Variants in OTOGL observed in about 807,000 individuals in gnomAD.
OTOGL encodes otogelin-like protein.
In OTOGL, 285 loss-of-function variants were observed where a neutral mutation model predicts 318.5. The ratio of observed to expected loss-of-function variants is 0.89; its 90% CI spans 0.81 to 0.99. The LOEUF (loss-of-function observed/expected upper bound fraction) is 0.99. Among genes scored for constraint, OTOGL ranks in the 50% least tolerant of loss-of-function variants. The pLI is 0.00. For missense variants in OTOGL, 2,899 were observed against 2,845.6 expected (o/e 1.02, Z -0.43); for synonymous variants, 987 against 936.5 (o/e 1.05, Z -0.99).
At chr12:80,305,163 A>G (rs1413247164) in intron 28 of OTOGL, among the ~76,000 whole-genome samples, 1 of 152,186 alleles carries the variant, frequency 6.6e-6, no homozygotes, top group Non-Finnish European at 1.5e-5. Context: ...TGTTTCTAAC[A>G]AGGATGGGAA....
At chr12:80,200,625 G>A (rs1876389873) in intron 1 of OTOGL, among the ~76,000 whole-genome samples, 1 of 152,208 alleles carries the variant, frequency 6.6e-6, no homozygotes, top group African/African-American at 2.4e-5. Flanking sequence ...CCACATGGAG[G>A]AGTTAGCTTC....
In OTOGL at chr12:80,271,657, G is replaced by A; in HGVS notation, c.2528G>A (p.Cys843Tyr). ...GTGCTTATATCTGAAGTTCACATCT[G>A]CCCAGAGGGAAAAGAGTATTTCGAC... The part of the protein sequence containing the change: ...ELATPSAVHI[C>Y]PEGKEYFDCR... The change falls in exon 24 of 59, where the codon TGC (cysteine) becomes TAC (tyrosine). Residue 843 changes from cysteine (C) to tyrosine (Y), a missense_variant. By Grantham distance (194) the Cys-to-Tyr change is radical (BLOSUM62 -2). Around this residue, in one of 3 missense-constraint regions of OTOGL, gnomAD observed 2,607 missense variants for 2,524.9 expected, o/e 1.03. Coordinates refer to ENST00000547103, the MANE Select transcript of OTOGL (RefSeq NM_001378609.3). 1 of 1,612,586 alleles carries A rather than the reference G, an allele frequency of 6.2e-7. No individual in the cohort carries two copies. Among genetic ancestry groups the A allele is most frequent in the Non-Finnish European group, 8.5e-7 (1 of 1,179,210 alleles).
chr12:80,149,247 T>G (rs1158039387), intron 1 of OTOGL, among the ~76,000 whole-genome samples: 2 of 152,170 alleles, frequency 1.3e-5, no homozygotes, highest in Non-Finnish European at 2.9e-5. Flanking sequence ...GGATGTCCTT[T>G]CTGTTTGTTA....
At position 80,276,900 on chromosome 12, in the gene OTOGL, G is replaced by A. The variant is rs910669480; in HGVS notation, c.2682-1268G>A. On this transcript the variant is annotated intron_variant, in intron 24 of 58. Transcript: ENST00000547103. ...AATAAGGAATTACAGTACTGTGTAC[G>A]AACAGCCATGAGAGAGAAAGCAGAG... is the stretch of plus-strand genomic sequence containing the variant. Among the ~76,000 whole-genome samples the A allele has an allele frequency of 2.6e-5, 4 of 151,478 alleles. No individual in the cohort carries two copies. The South Asian group carries it at 6.2e-4, about 24-fold the overall frequency.
chr12:80,226,801 C>T (rs1313410282), intron 7 of OTOGL, among the ~76,000 whole-genome samples: 2 of 152,086 alleles, frequency 1.3e-5, no homozygotes, highest in Non-Finnish European at 2.9e-5. Flanking sequence ...TGTTTAGTCA[C>T]TTATTTTAAT....
intron 7 of OTOGL, among the ~76,000 whole-genome samples, chr12:80,224,729 G>A (rs1310065206): frequency 1.3e-5 from 2 of 152,074 alleles, no homozygotes; most frequent in African/African-American, 2.4e-5. Context: ...GCCACTGTTG[G>A]TGTATAGTAG....
chr12:80,160,319 G>GA (rs1873420542), intron 1 of OTOGL, among the ~76,000 whole-genome samples: 1 of 152,016 alleles, frequency 6.6e-6, no homozygotes, highest in Non-Finnish European at 1.5e-5. Flanking sequence ...AAGAGTGGAA[G>GA]AAAATCTTCA....
intron 18 of OTOGL, 48 bp from the exon 19 acceptor site, chr12:80,261,921 C>G: frequency 6.3e-7 from 1 of 1,579,290 alleles, no homozygotes; most frequent in African/African-American, 1.4e-5. Flanking sequence ...AGGTTATGAA[C>G]AAATGAATGA....
At chr12:80,361,946 T>G (rs543019800) in intron 52 of OTOGL, among the ~76,000 whole-genome samples, 2 of 152,330 alleles carry the variant, frequency 1.3e-5, no homozygotes, top group East Asian at 3.9e-4. Context: ...TTCACTCTGT[T>G]GATTGTTTCC....
rs113427610 is a variant in OTOGL, at chr12:80,236,856, A to C, written c.818-1995A>C. On this transcript the variant is annotated intron_variant, in intron 9 of 58. Coordinates refer to ENST00000547103, the MANE Select transcript of OTOGL (RefSeq NM_001378609.3). ...TTGAGACAGGGTCTTTCTCTGTCGC[A>C]CAGGCTGGAGTGCAGTGGCGCGATC... Among the ~76,000 whole-genome samples, 1,316 of 134,312 alleles carry C rather than the reference A, an allele frequency of 9.8e-3. 27 individuals carry two copies. Among genetic ancestry groups the C allele is most frequent in the African/African-American group, 0.035 (1,235 of 35,204 alleles). 88.1% of individuals were successfully genotyped at this position (134,312 alleles called of 152,430 possible).
intron 11 of OTOGL, among the ~76,000 whole-genome samples, chr12:80,246,025 T>A (rs2137465107): frequency 6.7e-6 from 1 of 150,288 alleles, no homozygotes; most frequent in East Asian, 2.0e-4. Flanking sequence ...ATCCTGAGAC[T>A]TTGCTGAAGT....
At chr12:80,125,325 T>C (rs1337782366) in intron 1 of OTOGL, among the ~76,000 whole-genome samples, 2 of 152,260 alleles carry the variant, frequency 1.3e-5, no homozygotes, top group African/African-American at 4.8e-5. Flanking sequence ...GTTCTGTTTA[T>C]ATGCTGGATT....
chr12:80,336,497 T>C lies in OTOGL; in HGVS notation c.4685T>C (p.Leu1562Ser). ...AALYSMASYI[L>S]VRIPGEIIVA... ...TTATATAGCATGGCTTCTTATATCTTAGTAAGAATTCCTGGTGAAATTATA... is the reference window on the plus strand; with the variant it reads ...TTATATAGCATGGCTTCTTATATCTCAGTAAGAATTCCTGGTGAAATTATA... Residue 1562 changes from leucine (L) to serine (S), a missense_variant, in exon 40 of 59, where the codon TTA (leucine) becomes TCA (serine). By Grantham distance (145) the Leu-to-Ser change is moderately radical. Transcript: ENST00000547103. The C allele has an allele frequency of 6.2e-7, 1 of 1,608,670 alleles. No individual in the cohort carries two copies. Among genetic ancestry groups the C allele is most frequent in the Non-Finnish European group, 8.5e-7 (1 of 1,175,572 alleles).
chr12:80,145,874 T>C (rs1415838794), intron 1 of OTOGL, among the ~76,000 whole-genome samples: 1 of 151,764 alleles, frequency 6.6e-6, no homozygotes, highest in Non-Finnish European at 1.5e-5. Flanking sequence ...GTTGTTGGTG[T>C]ATAAGAATGC....
intron 38 of OTOGL, among the ~76,000 whole-genome samples, chr12:80,335,486 T>A (rs1009033318): frequency 6.6e-6 from 1 of 152,136 alleles, no homozygotes; most frequent in Non-Finnish European, 1.5e-5. Flanking sequence ...GAGTTACATA[T>A]AAAATTAATT....
At chr12:80,229,412 A>G (rs745766655) in intron 8 of OTOGL, 34 bp downstream of exon 8, 1 of 1,567,672 alleles carries the variant, frequency 6.4e-7, no homozygotes, top group South Asian at 1.1e-5. Flanking sequence ...TGTCAGTAAC[A>G]CCACAAATTA....
intron 1 of OTOGL, among the ~76,000 whole-genome samples, chr12:80,149,210 G>C (rs1489400629): frequency 6.6e-6 from 1 of 152,190 alleles, no homozygotes; most frequent in Non-Finnish European, 1.5e-5. Flanking sequence ...CTTTGGTAAT[G>C]GTGATGTACA....
At chr12:80,340,508 T>A (rs1029084936) in intron 43 of OTOGL, among the ~76,000 whole-genome samples, 1 of 152,212 alleles carries the variant, frequency 6.6e-6, no homozygotes, top group Non-Finnish European at 1.5e-5. Context: ...GTTTTATTTT[T>A]ATGTTTTTTA....
At position 80,316,470 on chromosome 12, in the gene OTOGL, G is replaced by C. The variant is rs184506769; in HGVS notation, c.3635-2076G>C. Among the ~76,000 whole-genome samples, 517 of 152,222 alleles carry C rather than the reference G, an allele frequency of 3.4e-3. 2 individuals are homozygous for C. Among genetic ancestry groups the C allele is most frequent in the African/African-American group, 0.012 (496 of 41,528 alleles). Reference sequence around the variant, plus strand: ...TGCTACTTGCTACATTTTGCTCTCTGTTAACAAGTCTGCTGAGCTTCTAGT... The same window carrying C: ...TGCTACTTGCTACATTTTGCTCTCTCTTAACAAGTCTGCTGAGCTTCTAGT... On this transcript the variant is annotated intron_variant, in intron 32 of 58. Coordinates refer to ENST00000547103, the MANE Select transcript of OTOGL (RefSeq NM_001378609.3).
Sources: allele counts gnomAD v4.1 joint callset (sites outside exome capture counted in the v4.1 genomes callset), GRCh38; gene constraint gnomAD v4.1.1; regional missense constraint gnomAD v4.1.1; transcripts MANE v1.5; gene names NCBI Gene and HGNC (gene_info 2026-07-23, HGNC 2026-07-21).